RUNDC3B: variants seen among roughly 807,000 people sequenced by gnomAD.
RUNDC3B encodes RUN domain-containing protein 3B.
In RUNDC3B, 33 loss-of-function variants were observed where a neutral mutation model predicts 58.4. The ratio of observed to expected loss-of-function variants is 0.56; its 90% CI spans 0.43 to 0.75. RUNDC3B has a LOEUF of 0.75. Among genes scored for constraint, RUNDC3B ranks in the 30% least tolerant of loss-of-function variants. The probability of loss-of-function intolerance (pLI) is 0.00; values close to 1 mark genes in which losing one functional copy is unlikely to be tolerated. For missense variants in RUNDC3B, 501 were observed against 535.7 expected, an observed-to-expected ratio of 0.94 and a Z score of 0.64; for synonymous variants, 193 against 195.2, an observed-to-expected ratio of 0.99 and a Z score of 0.10.
intron 2 of RUNDC3B, among the ~76,000 whole-genome samples, chr7:87,688,124 C>T (rs974184087): frequency 2.6e-5 from 4 of 152,058 alleles, no homozygotes; most frequent in Admixed American, 2.6e-4. Context: ...CTGAGAAACA[C>T]CCTTTTAAGT....
chr7:87,697,970 T>A (rs1828644271), intron 2 of RUNDC3B, among the ~76,000 whole-genome samples: 1 of 152,142 alleles, frequency 6.6e-6, no homozygotes. Flanking sequence ...ACAAACTATA[T>A]TGAGGCATTA....
chr7:87,796,051 A>G lies in RUNDC3B; in HGVS notation c.957-11322A>G, dbSNP rs139481981. 4.9e-3 allele frequency among the ~76,000 whole-genome samples: 753 copies of G among 152,330 alleles called. 7 individuals carry two copies. The highest frequency in any genetic ancestry group is 0.017 in the African/African-American group (721 of 41,572). ...TTACAATAGCCAAGATTTGGAAGCA[A>G]CCTAAGTGCCCATACACAGATGAAT... On this transcript the variant is annotated intron_variant, in intron 8 of 10. Coordinates refer to ENST00000394654, the MANE Select transcript of RUNDC3B (RefSeq NM_001134405.2).
intron 2 of RUNDC3B, among the ~76,000 whole-genome samples, chr7:87,681,984 A>C (rs920608766): frequency 1.1e-4 from 16 of 152,206 alleles, no homozygotes; most frequent in Non-Finnish European, 4.4e-5. Flanking sequence ...ATACTCTCAA[A>C]CCCTGCCACT....
chr7:87,797,667 C>A (rs960990914), intron 8 of RUNDC3B, among the ~76,000 whole-genome samples: 1 of 152,034 alleles, frequency 6.6e-6, no homozygotes, highest in African/African-American at 2.4e-5. Context: ...AACTTTCCCT[C>A]GTCAGTTAGG....
chr7:87,750,876 T>C (rs1464468270), intron 6 of RUNDC3B, among the ~76,000 whole-genome samples: 1 of 151,608 alleles, frequency 6.6e-6, no homozygotes, highest in Admixed American at 6.6e-5. Context: ...AGAAGCTCTT[T>C]AGTTTAATTA....
chr7:87,629,010 C>T, intron 1 of RUNDC3B, 65 bp downstream of exon 1: 1 of 1,278,370 alleles, frequency 7.8e-7, no homozygotes, highest in Admixed American at 3.5e-5. Flanking sequence ...GGCTTCCGCG[C>T]GGGTCCTTGG....
intron 9 of RUNDC3B, among the ~76,000 whole-genome samples, chr7:87,807,804 G>A (rs566530403): frequency 3.9e-5 from 6 of 152,130 alleles, no homozygotes; most frequent in African/African-American, 1.2e-4. Flanking sequence ...CATTGGTGTG[G>A]TATTTGCCTT....
At chr7:87,742,831 A>C (rs1832414384) in intron 6 of RUNDC3B, among the ~76,000 whole-genome samples, 1 of 152,070 alleles carries the variant, frequency 6.6e-6, no homozygotes, top group Admixed American at 6.6e-5. Flanking sequence ...TAGCGAACTA[A>C]GGCCGGGCAC....
At chr7:87,636,187 A>AC (rs967760186) in intron 1 of RUNDC3B, among the ~76,000 whole-genome samples, 2 of 152,218 alleles carry the variant, frequency 1.3e-5, no homozygotes, top group African/African-American at 4.8e-5. Context: ...CAACACTCAT[A>AC]CTAGTGAGCA....
At chr7:87,797,171 C>G (rs976449503) in intron 8 of RUNDC3B, among the ~76,000 whole-genome samples, 2 of 152,002 alleles carry the variant, frequency 1.3e-5, no homozygotes, top group Non-Finnish European at 2.9e-5. Flanking sequence ...ATATGAATAA[C>G]TTTATATATA....
intron 2 of RUNDC3B, chr7:87,693,841 G>T: frequency 6.6e-7 from 1 of 1,518,344 alleles, no homozygotes; most frequent in South Asian, 1.2e-5. Flanking sequence ...ATTCAGTTTG[G>T]AACTGTAAAC....
At chr7:87,752,550 A>C (rs1163008165) in intron 6 of RUNDC3B, among the ~76,000 whole-genome samples, 2 of 152,142 alleles carry the variant, frequency 1.3e-5, no homozygotes, top group Non-Finnish European at 2.9e-5. Context: ...CCACAATTTC[A>C]GATCCTGTTA....
chr7:87,720,542 A>ATGTGTGTG (rs3028189), intron 4 of RUNDC3B, among the ~76,000 whole-genome samples: 5,192 of 145,198 alleles, frequency 0.036, 115 homozygotes, highest in East Asian at 0.089. Flanking sequence ...GATAGGATAT[A>ATGTGTGTG]TGTGTGTGTG....
chr7:87,756,395 C>A (rs986454521), intron 6 of RUNDC3B, among the ~76,000 whole-genome samples: 1 of 151,886 alleles, frequency 6.6e-6, no homozygotes, highest in African/African-American at 2.4e-5. Flanking sequence ...TTTTATTAAT[C>A]TAAGTGAATC....
At chr7:87,798,509 A>G (rs1006564627) in intron 8 of RUNDC3B, among the ~76,000 whole-genome samples, 3 of 152,102 alleles carry the variant, frequency 2.0e-5, no homozygotes, top group Non-Finnish European at 4.4e-5. Flanking sequence ...AGGCTCCTTC[A>G]TGTTGAATCT....
chr7:87,773,244 A>G (rs570691884), intron 7 of RUNDC3B, among the ~76,000 whole-genome samples: 86 of 149,424 alleles, frequency 5.8e-4, no homozygotes, highest in Non-Finnish European at 1.1e-3. Flanking sequence ...AATGGCATGA[A>G]CCCGCGAGGC....
At chr7:87,764,554 C>T (rs1584142169) in intron 6 of RUNDC3B, among the ~76,000 whole-genome samples, 2 of 151,650 alleles carry the variant, frequency 1.3e-5, no homozygotes. Flanking sequence ...TGACCTTTGT[C>T]CCCTCCTCAG....
chr7:87,659,065 G>T (rs1824425341), intron 2 of RUNDC3B, among the ~76,000 whole-genome samples: 1 of 152,024 alleles, frequency 6.6e-6, no homozygotes, highest in Non-Finnish European at 1.5e-5. Flanking sequence ...GAGGTGGGAG[G>T]ATCACTTAAG....
chr7:87,760,479 C>A (rs1833615223), intron 6 of RUNDC3B, among the ~76,000 whole-genome samples: 1 of 152,004 alleles, frequency 6.6e-6, no homozygotes, highest in South Asian at 2.1e-4. Flanking sequence ...AATGGACAAG[C>A]TAATCCCAAA....
Sources: gnomAD v4.1 joint callset for allele counts (sites outside exome capture counted in the v4.1 genomes callset) on GRCh38, gnomAD v4.1.1 for gene constraint, MANE v1.5 for transcripts, NCBI Gene and HGNC (gene_info 2026-07-23, HGNC 2026-07-21) for gene names.